Variants in STIM1 observed in about 807,000 individuals in gnomAD.
STIM1 encodes stromal interaction molecule 1.
A neutral mutation model predicts 74.7 loss-of-function variants in STIM1; 25 were observed. That is an observed-to-expected ratio of 0.33 (90% CI 0.24 to 0.47). The LOEUF (loss-of-function observed/expected upper bound fraction) is 0.47. STIM1 is among the 20% of genes least tolerant of loss of function. STIM1 has a pLI of 1.00. For synonymous variants in STIM1, 328 were observed against 348.8 expected, an observed-to-expected ratio of 0.94 and a Z score of 0.66; for missense variants, 728 against 920.8, an observed-to-expected ratio of 0.79 and a Z score of 2.71.
rs369097214 is a variant in STIM1 at position 4,049,324 on chromosome 11, ATT to A, written c.386-6185_386-6184del. ...TCAGGGCTTAAATTATATCAGCTGGATTTTTTTTTTTTTTTTTTGAGACAGGC... is the reference window on the plus strand; with the variant it reads ...TCAGGGCTTAAATTATATCAGCTGGATTTTTTTTTTTTTTTTGAGACAGGC... On this transcript the variant is annotated intron_variant, in intron 3 of 12. Transcript: ENST00000526596. 1.9e-4 allele frequency among the ~76,000 whole-genome samples: 26 copies of A among 133,870 alleles called. 1 individual carries two copies. The highest frequency in any genetic ancestry group is 1.7e-4 in the Non-Finnish European group (11 of 62,894). 87.8% of individuals were successfully genotyped at this position (133,870 alleles called of 152,430 possible).
chr11:4,005,296 T>C (rs1339670350), intron 2 of STIM1, among the ~76,000 whole-genome samples: 1 of 152,146 alleles, frequency 6.6e-6, no homozygotes, highest in Non-Finnish European at 1.5e-5. Context: ...ATGTTTATTG[T>C]GGCAGTATTC....
Position 4,091,890 on chromosome 11 carries a change from G to A in STIM1, c.*92G>A. ...CTTCCTTCAAGATAACTGGCCCCAA[G>A]AGTGGGGCATGGGAAGGGCTGGTCC... is the stretch of plus-strand genomic sequence containing the variant. On this transcript the variant is annotated 3_prime_UTR_variant, in exon 13 of 13. Transcript: ENST00000526596. 1 of 1,545,778 alleles carries A rather than the reference G, an allele frequency of 6.5e-7. No homozygotes were observed. Among genetic ancestry groups the A allele is most frequent in the Non-Finnish European group, 8.8e-7 (1 of 1,141,606 alleles).
At chr11:3,907,184 G>A (rs1202087809) in intron 1 of STIM1, among the ~76,000 whole-genome samples, 2 of 152,094 alleles carry the variant, frequency 1.3e-5, no homozygotes, top group Non-Finnish European at 2.9e-5. Flanking sequence ...TGGGAAGCTG[G>A]GGGAAAAAAC....
In STIM1 at chr11:4,083,395, C is replaced by G. The variant is rs777537168; in HGVS notation, c.1371C>G (p.Asp457Glu). The G allele has an allele frequency of 3.1e-6, 5 of 1,614,126 alleles. No individual in the cohort carries two copies. The highest frequency in any genetic ancestry group is 2.5e-6 in the Non-Finnish European group (3 of 1,180,064). Residue 457 changes from aspartate to glutamate, a missense_variant, in exon 10 of 13, where the codon GAC becomes GAG. Asp to Glu is a conservative substitution (Grantham distance 45). Transcript: ENST00000526596. ...CACTGGTGGCTGCCCTCAACATAGA[C>G]CCCAGCTGGATGGGCAGTACACGCC... Reference protein sequence around the residue: ...IHSLVAALNIDPSWMGSTRPN... With the variant: ...IHSLVAALNIEPSWMGSTRPN...
intron 10 of STIM1, among the ~76,000 whole-genome samples, chr11:4,083,968 T>C (rs527410280): frequency 4.5e-4 from 68 of 152,348 alleles, no homozygotes; most frequent in African/African-American, 1.3e-3. Context: ...TAAAGTGATA[T>C]AGTCCTAAAT....
At position 4,022,658 on chromosome 11, in the gene STIM1, AT is replaced by A. The variant is rs141673228; in HGVS notation, c.271-1213del. 5.9e-3 allele frequency among the ~76,000 whole-genome samples: 904 copies of A among 152,202 alleles called. 7 individuals are homozygous for A. The highest frequency in any genetic ancestry group is 0.02 in the African/African-American group (833 of 41,514). ...GTATATTCCTTCTATACCTAATTTG[AT>A]TGCAGAGCTGGGGGCTGGAATCAAC... On this transcript the variant is annotated intron_variant, in intron 2 of 12. Coordinates refer to ENST00000526596, the MANE Select transcript of STIM1 (RefSeq NM_001382567.1).
At chr11:3,913,455 T>C (rs1054166503) in intron 1 of STIM1, among the ~76,000 whole-genome samples, 3 of 152,198 alleles carry the variant, frequency 2.0e-5, no homozygotes, top group African/African-American at 7.2e-5. Flanking sequence ...TCCAAAGTGC[T>C]GGAGTTACAG....
chr11:4,026,309 T>C (rs2093997296), intron 3 of STIM1, among the ~76,000 whole-genome samples: 1 of 152,202 alleles, frequency 6.6e-6, no homozygotes, highest in Non-Finnish European at 1.5e-5. Flanking sequence ...CTAATCTCTA[T>C]CTTAGCCAAC....
chr11:4,086,931 G>A, intron 12 of STIM1: 3 of 1,483,584 alleles, frequency 2.0e-6, no homozygotes, highest in Non-Finnish European at 2.7e-6. Context: ...GTTTCTGCCT[G>A]CCAGCTGCTG....
At chr11:4,015,032 G>C (rs920542925) in intron 2 of STIM1, among the ~76,000 whole-genome samples, 1 of 152,126 alleles carries the variant, frequency 6.6e-6, no homozygotes, top group Admixed American at 6.6e-5. Context: ...TTTAATTGGG[G>C]CATTTAGCCC....
intron 1 of STIM1, among the ~76,000 whole-genome samples, chr11:3,955,906 A>C (rs911211642): frequency 3.3e-5 from 5 of 151,830 alleles, no homozygotes; most frequent in African/African-American, 9.6e-5. Flanking sequence ...TATTTTTAAA[A>C]ATTTTAATTA....
intron 3 of STIM1, among the ~76,000 whole-genome samples, chr11:4,043,392 G>A (rs1467581356): frequency 6.6e-6 from 1 of 152,108 alleles, no homozygotes. Flanking sequence ...TGTGTCATTA[G>A]TACTTTTTAA....
chr11:4,011,894 T>G (rs557150204), intron 2 of STIM1, among the ~76,000 whole-genome samples: 48 of 152,340 alleles, frequency 3.2e-4, no homozygotes, highest in African/African-American at 1.1e-3. Context: ...TCTAGTTAAT[T>G]TTTGTATAAG....
intron 2 of STIM1, among the ~76,000 whole-genome samples, chr11:3,987,448 G>A (rs1376347149): frequency 6.6e-6 from 1 of 152,198 alleles, no homozygotes; most frequent in Non-Finnish European, 1.5e-5. Flanking sequence ...GGAAAACTTT[G>A]TGCAGTCTCA....
At chr11:3,981,423 A>G (rs1209798464) in intron 2 of STIM1, among the ~76,000 whole-genome samples, 3 of 152,180 alleles carry the variant, frequency 2.0e-5, no homozygotes, top group African/African-American at 7.2e-5. Flanking sequence ...GTTTCTCATA[A>G]CATTGTGTTT....
chr11:3,892,340 G>A (rs2091919907), intron 1 of STIM1: 6 of 1,094,006 alleles, frequency 5.5e-6, no homozygotes, highest in Non-Finnish European at 8.3e-6. Context: ...GTGCTCTCCT[G>A]ACCTACAGAA....
chr11:3,901,047 C>T (rs969483480), intron 1 of STIM1, among the ~76,000 whole-genome samples: 10 of 152,094 alleles, frequency 6.6e-5, no homozygotes, highest in African/African-American at 9.7e-5. Context: ...AAAAATTAGC[C>T]GGGCATGGTG....
intron 2 of STIM1, among the ~76,000 whole-genome samples, chr11:4,009,876 G>A (rs2093819081): frequency 1.3e-5 from 2 of 152,056 alleles, no homozygotes; most frequent in South Asian, 2.1e-4. Context: ...ACAGTGGTAC[G>A]ATCACGGCTT....
intron 2 of STIM1, among the ~76,000 whole-genome samples, chr11:4,012,101 G>A (rs1431604235): frequency 6.6e-6 from 1 of 152,206 alleles, no homozygotes; most frequent in Non-Finnish European, 1.5e-5. Context: ...TTTGGTACCA[G>A]TACCATGCTG....
Sources: gnomAD v4.1 joint callset for allele counts (sites outside exome capture counted in the v4.1 genomes callset) on GRCh38, gnomAD v4.1.1 for gene constraint, MANE v1.5 for transcripts, NCBI Gene and HGNC (gene_info 2026-07-23, HGNC 2026-07-21) for gene names.